Variants in KCND2 observed in about 807,000 individuals in gnomAD.
KCND2 encodes the protein potassium voltage-gated channel subfamily D member 2.
In KCND2, 16 loss-of-function variants were observed where a neutral mutation model predicts 54.4. The observed-to-expected ratio is 0.29, with a 90% CI of 0.20 to 0.45. KCND2 has a LOEUF of 0.45. Among genes scored for constraint, KCND2 ranks in the 20% least tolerant of loss-of-function variants. The pLI, the probability that KCND2 is intolerant of heterozygous loss-of-function variation, is 1.00. For synonymous variants in KCND2, 317 were observed against 310.7 expected (o/e 1.02, Z -0.21); for missense variants, 486 against 824.2 (o/e 0.59, Z 5.02).
In KCND2 at chr7:120,627,702, C is replaced by T. The variant is rs75888809; in HGVS notation, c.1116-105201C>T. Among the ~76,000 whole-genome samples the T allele has an allele frequency of 8.6e-5, 13 of 151,898 alleles. No homozygotes were observed. The East Asian group carries it at 2.5e-3, about 29-fold the overall frequency. ...TAAGGCAGGAGGAGTAAAGCAGTGG[C>T]CCAAATAGTCTAATCAATATTTCAT... On this transcript the variant is annotated intron_variant, in intron 1 of 5. Transcript: ENST00000331113.
intron 1 of KCND2, among the ~76,000 whole-genome samples, chr7:120,507,706 A>G (rs751083033): frequency 4.6e-5 from 7 of 151,904 alleles, no homozygotes; most frequent in Non-Finnish European, 7.4e-5. Context: ...GGCTCCTAGT[A>G]GCCCTACACC....
chr7:120,513,273 A>T (rs559548799), intron 1 of KCND2, among the ~76,000 whole-genome samples: 2 of 152,266 alleles, frequency 1.3e-5, no homozygotes, highest in African/African-American at 4.8e-5. Flanking sequence ...TCAGACATGT[A>T]CATTTGGAGG....
At chr7:120,473,014 G>A (rs1000393905) in intron 1 of KCND2, among the ~76,000 whole-genome samples, 7 of 152,208 alleles carry the variant, frequency 4.6e-5, no homozygotes, top group Non-Finnish European at 1.0e-4. Flanking sequence ...AGGATGGCTG[G>A]AGGCTGACCC....
intron 1 of KCND2, among the ~76,000 whole-genome samples, chr7:120,706,812 T>C (rs1562915826): frequency 6.6e-6 from 1 of 152,154 alleles, no homozygotes; most frequent in Non-Finnish European, 1.5e-5. Context: ...TTTTCCTACA[T>C]TTTCAGGCTG....
intron 1 of KCND2, among the ~76,000 whole-genome samples, chr7:120,594,025 T>C (rs371691945): frequency 2.0e-5 from 3 of 152,298 alleles, no homozygotes; most frequent in African/African-American, 7.2e-5. Context: ...CAGGGACTTA[T>C]GCCTCTCATA....
chr7:120,292,602 T>G (rs1799451110), intron 1 of KCND2, among the ~76,000 whole-genome samples: 2 of 151,942 alleles, frequency 1.3e-5, no homozygotes, highest in Non-Finnish European at 1.5e-5. Context: ...TATGAACTTT[T>G]CAAAGATTCT....
chr7:120,429,275 TA>T (rs1801758357), intron 1 of KCND2, among the ~76,000 whole-genome samples: 1 of 152,196 alleles, frequency 6.6e-6, no homozygotes, highest in Non-Finnish European at 1.5e-5. Flanking sequence ...TATTGGCAGT[TA>T]AACAGTAATC....
chr7:120,520,342 A>G (rs1791673459), intron 1 of KCND2, among the ~76,000 whole-genome samples: 1 of 152,136 alleles, frequency 6.6e-6, no homozygotes, highest in East Asian at 1.9e-4. Context: ...ACGTAAGAAT[A>G]CCTTTTACTT....
At chr7:120,556,931 C>G (rs975431824) in intron 1 of KCND2, among the ~76,000 whole-genome samples, 1 of 152,122 alleles carries the variant, frequency 6.6e-6, no homozygotes, top group Admixed American at 6.5e-5. Context: ...ATGTTATTCA[C>G]TAATGTTTCA....
chr7:120,386,008 A>C (rs866807182), intron 1 of KCND2, among the ~76,000 whole-genome samples: 1 of 152,072 alleles, frequency 6.6e-6, no homozygotes, highest in Non-Finnish European at 1.5e-5. Flanking sequence ...TTGGCTTGAC[A>C]CTTTTTTGTA....
chr7:120,433,735 T>G (rs1801827756), intron 1 of KCND2, among the ~76,000 whole-genome samples: 1 of 152,214 alleles, frequency 6.6e-6, no homozygotes. Flanking sequence ...AAAGTGTAAG[T>G]TGAGCATTAA....
intron 1 of KCND2, among the ~76,000 whole-genome samples, chr7:120,477,667 A>G (rs1002090454): frequency 6.6e-6 from 1 of 152,108 alleles, no homozygotes; most frequent in African/African-American, 2.4e-5. Flanking sequence ...GGGAAAGAGA[A>G]CTATATAGAA....
chr7:120,572,400 T>G (rs12111791), intron 1 of KCND2, among the ~76,000 whole-genome samples: 19,468 of 152,174 alleles, frequency 0.13, 2,157 homozygotes, highest in African/African-American at 0.31. Context: ...CTACACAGAT[T>G]ATTTTTTATG....
intron 1 of KCND2, among the ~76,000 whole-genome samples, chr7:120,433,224 C>T (rs1229744413): frequency 6.6e-6 from 1 of 152,110 alleles, no homozygotes; most frequent in Non-Finnish European, 1.5e-5. Context: ...TGACTGCAGC[C>T]CCCAGGCACT....
rs931993832 is a variant in KCND2 at position 120,462,449 on chromosome 7, A to G, written c.1115+186702A>G. 2.0e-5 allele frequency among the ~76,000 whole-genome samples: 3 copies of G among 152,186 alleles called. No homozygotes were observed. In the East Asian group the frequency reaches 5.8e-4, roughly 29 times the overall value. On this transcript the variant is annotated intron_variant, in intron 1 of 5. Coordinates refer to ENST00000331113, the MANE Select transcript of KCND2 (RefSeq NM_012281.3). The stretch of plus-strand genomic sequence containing the variant: ...AACTTTGCCTTGAGAGTAAATTTAC[A>G]GGTAACAGTAAGCATATTAAAGAGC...
In KCND2 at chr7:120,274,736, G is replaced by A. The variant is rs1286835940; in HGVS notation, c.104G>A (p.Arg35Lys). 1 of 1,613,988 alleles carries A rather than the reference G, an allele frequency of 6.2e-7. No homozygotes were observed. Among genetic ancestry groups the A allele is most frequent in the Admixed American group, 1.7e-5 (1 of 60,022 alleles). The change falls in exon 1 of 6, where the codon AGG (arginine) becomes AAG (lysine). Residue 35 changes from arginine to lysine, a missense_variant. Transcript: ENST00000331113. ...ATGCCGGCTCCCCCGAGGCAGGAGA[G>A]GAAAAGGACCCAAGATGCTCTCATT... is the stretch of plus-strand genomic sequence containing the variant. ...GPMPAPPRQERKRTQDALIVL... is the reference protein window; with the variant it reads ...GPMPAPPRQEKKRTQDALIVL...
chr7:120,347,694 T>G (rs994658758), intron 1 of KCND2, among the ~76,000 whole-genome samples: 8 of 151,442 alleles, frequency 5.3e-5, no homozygotes, highest in African/African-American at 1.7e-4. Context: ...GAGGCAGAGG[T>G]TGCAGTGAGG....
At chr7:120,542,362 A>G (rs990573920) in intron 1 of KCND2, among the ~76,000 whole-genome samples, 9 of 152,124 alleles carry the variant, frequency 5.9e-5, no homozygotes, top group African/African-American at 2.2e-4. Flanking sequence ...CATCTGGCTC[A>G]TTTTTATGTC....
At chr7:120,635,328 T>A (rs1793290816) in intron 1 of KCND2, among the ~76,000 whole-genome samples, 1 of 152,204 alleles carries the variant, frequency 6.6e-6, no homozygotes, top group Non-Finnish European at 1.5e-5. Context: ...ATATATTTCA[T>A]CTTGGGAACT....
Sources: gnomAD v4.1 joint callset for allele counts (sites outside exome capture counted in the v4.1 genomes callset) on GRCh38, gnomAD v4.1.1 for gene constraint, MANE v1.5 for transcripts, NCBI Gene and HGNC (gene_info 2026-07-23, HGNC 2026-07-21) for gene names.